ALG6: variants seen among roughly 807,000 people sequenced by gnomAD.
ALG6 encodes the protein dolichyl pyrophosphate Man9GlcNAc2 alpha-1,3-glucosyltransferase.
In ALG6, 46 loss-of-function variants were observed where a neutral mutation model predicts 66.6. That is an observed-to-expected ratio of 0.69 (90% CI 0.55 to 0.88). The LOEUF (loss-of-function observed/expected upper bound fraction) is 0.88, where lower values mean the gene tolerates loss of function less well. Among genes scored for constraint, ALG6 ranks in the 40% least tolerant of loss-of-function variants. ALG6 has a pLI of 0.00. For synonymous variants in ALG6, 185 were observed against 203.7 expected (o/e 0.91, Z 0.78); for missense variants, 505 against 586.8 (o/e 0.86, Z 1.44).
intron 2 of ALG6, among the ~76,000 whole-genome samples, chr1:63,389,994 T>C (rs1648620258): frequency 6.6e-6 from 1 of 152,190 alleles, no homozygotes; most frequent in Non-Finnish European, 1.5e-5. Flanking sequence ...AAAGTACCCG[T>C]GTGGCCATCA....
chr1:63,374,527 A>G (rs2100382150), intron 2 of ALG6, among the ~76,000 whole-genome samples: 1 of 151,942 alleles, frequency 6.6e-6, no homozygotes, highest in East Asian at 1.9e-4. Flanking sequence ...ATTCCGGAGG[A>G]TGAGGCACGA....
At chr1:63,424,397 C>T (rs941179852) in intron 12 of ALG6, among the ~76,000 whole-genome samples, 2 of 152,172 alleles carry the variant, frequency 1.3e-5, no homozygotes, top group African/African-American at 4.8e-5. Context: ...CCTCGGCCTC[C>T]CAAAGTGCTG....
At chr1:63,389,849 G>A (rs7412350) in intron 2 of ALG6, among the ~76,000 whole-genome samples, 6,099 of 152,200 alleles carry the variant, frequency 0.04, 395 homozygotes, top group African/African-American at 0.14. Flanking sequence ...CCACTTTGAT[G>A]GTCTTGGGTA....
In ALG6 at chr1:63,438,152, G is replaced by C. The variant is rs1644697280; in HGVS notation, c.*1132G>C. The C allele has an allele frequency of 6.7e-6, 1 of 150,202 alleles. No individual in the cohort carries two copies. Among genetic ancestry groups the C allele is most frequent in the African/African-American group, 2.5e-5 (1 of 40,164 alleles). The allele number at this position is 150,202 out of a possible 1,614,324, so 9.3% of individuals were successfully genotyped here. On this transcript the variant is annotated 3_prime_UTR_variant, in exon 15 of 15. Transcript: ENST00000263440. Reference sequence around the variant, plus strand: ...CACATACAAAAAAAAACTGGTTCTAGACACGGACAGTCACAGGCTGATATA... The same window carrying C: ...CACATACAAAAAAAAACTGGTTCTACACACGGACAGTCACAGGCTGATATA...
At chr1:63,403,094 CAAAAAAA>C (rs1160526296) in intron 4 of ALG6, among the ~76,000 whole-genome samples, 80 of 65,318 alleles carry the variant, frequency 1.2e-3, no homozygotes, top group Non-Finnish European at 2.2e-3. Context: ...GACTCCATCT[CAAAAAAA>C]AAAAAAAAAA....
chr1:63,428,341 GA>G (rs1453084870), intron 12 of ALG6: 6 of 163,824 alleles, frequency 3.7e-5, no homozygotes, highest in African/African-American at 1.4e-4. Context: ...TATGTAACAT[GA>G]AAGAACATAA....
chr1:63,406,231 C>T, intron 5 of ALG6, 86 bp from the exon 6 acceptor site: 1 of 1,194,450 alleles, frequency 8.4e-7, no homozygotes. Flanking sequence ...TTAATGAATT[C>T]TCAATGTTGG....
chr1:63,382,905 T>A (rs1557581589), intron 2 of ALG6, among the ~76,000 whole-genome samples: 1 of 152,118 alleles, frequency 6.6e-6, no homozygotes, highest in Non-Finnish European at 1.5e-5. Flanking sequence ...CTCGAGCTCC[T>A]GACCTCATGA....
chr1:63,407,189 A>G, intron 7 of ALG6, 63 bp downstream of exon 7: 2 of 1,202,118 alleles, frequency 1.7e-6, no homozygotes, highest in Non-Finnish European at 2.5e-6. Flanking sequence ...CTCAATGTGT[A>G]CATTGCTGTC....
intron 2 of ALG6, among the ~76,000 whole-genome samples, chr1:63,383,631 G>A (rs539778956): frequency 6.6e-6 from 1 of 152,128 alleles, no homozygotes; most frequent in East Asian, 1.9e-4. Flanking sequence ...TCACATTAGG[G>A]TAAATGAGGT....
rs575918891 is a variant in ALG6, at chr1:63,431,394, G to A, written c.1326+2268G>A. 2.6e-4 allele frequency among the ~76,000 whole-genome samples: 39 copies of A among 152,208 alleles called. No homozygotes were observed. In the East Asian group the frequency reaches 2.9e-3, roughly 11 times the overall value. On this transcript the variant is annotated intron_variant, in intron 14 of 14. Coordinates refer to ENST00000263440, the MANE Select transcript of ALG6 (RefSeq NM_013339.4). ...CTGAGATTTTGATAGGGACTGAGTC[G>A]ATTCTGCATATCAATTTGTGGAATA...
rs547078374 is a variant in ALG6 at position 63,402,515 on chromosome 1, G to GGA, written c.257+174_257+175dup. 2.6e-4 allele frequency among the ~76,000 whole-genome samples: 35 copies of GGA among 133,378 alleles called. No homozygotes were observed. The East Asian group carries it at 7.9e-3, about 30-fold the overall frequency. 87.5% of individuals were successfully genotyped at this position (133,378 alleles called of 152,430 possible). On this transcript the variant is annotated intron_variant, in intron 4 of 14. Transcript: ENST00000263440. ...GAAGTCTCACTCCATCGCCCAGGCT[G>GGA]GAGTGCAGTGGTACAATCTCGGCTT...
At chr1:63,386,583 T>G (rs972923784) in intron 2 of ALG6, among the ~76,000 whole-genome samples, 6 of 152,180 alleles carry the variant, frequency 3.9e-5, no homozygotes, top group African/African-American at 1.2e-4. Context: ...TCTTCTAGGC[T>G]GTCCAGTTTT....
intron 7 of ALG6, among the ~76,000 whole-genome samples, chr1:63,408,730 G>A (rs888557272): frequency 6.6e-6 from 1 of 152,174 alleles, no homozygotes; most frequent in African/African-American, 2.4e-5. Flanking sequence ...TGTGATTTGA[G>A]TTAAACTCTG....
At chr1:63,387,635 A>C (rs145081946) in intron 2 of ALG6, among the ~76,000 whole-genome samples, 1,419 of 135,778 alleles carry the variant, frequency 0.01, 23 homozygotes, top group African/African-American at 0.036. Flanking sequence ...TCCTGCCTCC[A>C]GAGTTCAAGT....
chr1:63,436,966 C>CATT lies in ALG6; in HGVS notation c.1479_1481dup (p.Ile493dup), dbSNP rs1475726598. 1 of 1,613,566 alleles carries CATT rather than the reference C, an allele frequency of 6.2e-7. No homozygotes were observed. Among genetic ancestry groups the CATT allele is most frequent in the Non-Finnish European group, 8.5e-7 (1 of 1,179,676 alleles). ...TCCTGTTCTTCTTGGTATACTTTAA[C>CATT]ATTATTATTATGTGGGATTCCAAAA... On this transcript the variant is annotated inframe_insertion, in exon 15 of 15. Transcript: ENST00000263440.
intron 12 of ALG6, among the ~76,000 whole-genome samples, chr1:63,426,258 G>T (rs562898410): frequency 6.6e-6 from 1 of 152,086 alleles, no homozygotes; most frequent in South Asian, 2.1e-4. Context: ...GGGAGAACTG[G>T]TAGGAAAGTA....
At chr1:63,420,284 G>T (rs2100428927) in intron 12 of ALG6, among the ~76,000 whole-genome samples, 1 of 152,254 alleles carries the variant, frequency 6.6e-6, no homozygotes, top group South Asian at 2.1e-4. Flanking sequence ...CCAAACCTGA[G>T]TTAGAGCTTA....
chr1:63,391,863 A>G (rs1231114020), intron 2 of ALG6, among the ~76,000 whole-genome samples: 1 of 152,216 alleles, frequency 6.6e-6, no homozygotes, highest in Non-Finnish European at 1.5e-5. Context: ...GCTTTTAAAC[A>G]ATCCATGGGG....
Sources: allele counts gnomAD v4.1 joint callset (sites outside exome capture counted in the v4.1 genomes callset), GRCh38; gene constraint gnomAD v4.1.1; transcripts MANE v1.5; gene names NCBI Gene and HGNC (gene_info 2026-07-23, HGNC 2026-07-21).